Variants in NALF1 observed in about 807,000 individuals in gnomAD.
NALF1 encodes NALCN channel auxiliary factor 1.
Under a neutral mutation model 48.4 loss-of-function variants are expected in NALF1, and 3 were observed. That is an observed-to-expected ratio of 0.06 (90% CI 0.03 to 0.16). NALF1 has a LOEUF of 0.16. Ranked by LOEUF, NALF1 falls within the 10% of genes least tolerant of loss-of-function variation. The pLI, the probability that NALF1 is intolerant of heterozygous loss-of-function variation, is 1.00. For missense variants in NALF1, 526 were observed against 571.5 expected, an observed-to-expected ratio of 0.92 and a Z score of 0.81; for synonymous variants, 262 against 245.7, an observed-to-expected ratio of 1.07 and a Z score of -0.62.
At chr13:107,425,061 C>T (rs1374706429) in intron 1 of NALF1, among the ~76,000 whole-genome samples, 2 of 152,192 alleles carry the variant, frequency 1.3e-5, no homozygotes, top group African/African-American at 4.8e-5. Flanking sequence ...TCTTCTCTAG[C>T]AAATGAAAGT....
At chr13:107,418,947 G>A (rs539677382) in intron 1 of NALF1, among the ~76,000 whole-genome samples, 23 of 152,166 alleles carry the variant, frequency 1.5e-4, no homozygotes, top group Middle Eastern at 3.4e-3. Flanking sequence ...TACCTGAGAC[G>A]GAGAAGAAAA....
intron 1 of NALF1, among the ~76,000 whole-genome samples, chr13:107,809,820 G>A (rs559895462): frequency 6.6e-6 from 1 of 152,050 alleles, no homozygotes. Context: ...ACGTCCACCA[G>A]ATTTCTCAAT....
At chr13:107,459,479 A>G (rs1390536674) in intron 1 of NALF1, among the ~76,000 whole-genome samples, 2 of 152,174 alleles carry the variant, frequency 1.3e-5, no homozygotes, top group Non-Finnish European at 1.5e-5. Context: ...CCAAAGACTG[A>G]TAAGTCTTAC....
At chr13:107,439,591 T>C (rs983646999) in intron 1 of NALF1, among the ~76,000 whole-genome samples, 1 of 152,228 alleles carries the variant, frequency 6.6e-6, no homozygotes, top group Non-Finnish European at 1.5e-5. Context: ...TGCAATATTG[T>C]CCCATCCCCT....
intron 1 of NALF1, among the ~76,000 whole-genome samples, chr13:107,814,877 ATTC>A (rs1306512603): frequency 6.6e-6 from 1 of 152,118 alleles, no homozygotes; most frequent in African/African-American, 2.4e-5. Flanking sequence ...CAGAATGAAA[ATTC>A]TTCTCAAGTG....
intron 1 of NALF1, among the ~76,000 whole-genome samples, chr13:107,862,875 T>C (rs1196551168): frequency 4.0e-5 from 6 of 151,774 alleles, no homozygotes; most frequent in Non-Finnish European, 8.8e-5. Flanking sequence ...TAATAATTCA[T>C]CCTAACTCTA....
intron 1 of NALF1, among the ~76,000 whole-genome samples, chr13:107,655,731 G>A (rs1880558557): frequency 6.6e-6 from 1 of 151,854 alleles, no homozygotes; most frequent in Non-Finnish European, 1.5e-5. Context: ...AAAAATTGTG[G>A]AGGCATCACA....
At chr13:107,369,373 G>C (rs1012855659) in intron 1 of NALF1, among the ~76,000 whole-genome samples, 1 of 152,096 alleles carries the variant, frequency 6.6e-6, no homozygotes, top group Non-Finnish European at 1.5e-5. Context: ...AATTGCCTAT[G>C]TCAAGTGGTA....
rs74114092 is a variant in NALF1, at chr13:107,278,198, G to C, written c.916-67443C>G. The stretch of plus-strand genomic sequence containing the variant: ...AGAAGGTAGAGTCTATCATTGGCTG[G>C]ATTGTTTTATAGCTTTTCTAGCCCC... On this transcript the variant is annotated intron_variant, in intron 1 of 2. Transcript: ENST00000375915. Among the ~76,000 whole-genome samples the C allele has an allele frequency of 2.6e-3, 398 of 152,282 alleles. 3 individuals are homozygous for C. The highest frequency in any genetic ancestry group is 9.1e-3 in the African/African-American group (377 of 41,560).
rs9520455 is a variant in NALF1 at position 107,460,409 on chromosome 13, T to C, written c.916-249654A>G. 9.6e-3 allele frequency among the ~76,000 whole-genome samples: 1,461 copies of C among 152,346 alleles called. 7 individuals carry two copies. The highest frequency in any genetic ancestry group is 0.017 in the Non-Finnish European group (1,183 of 68,024). On this transcript the variant is annotated intron_variant, in intron 1 of 2. Coordinates refer to ENST00000375915, the MANE Select transcript of NALF1 (RefSeq NM_001080396.3). ...GACTTGGCACCTTCCTCCAATATTATGAGCTAACAATTGACATTCCAGGTA... is the reference window on the plus strand; with the variant it reads ...GACTTGGCACCTTCCTCCAATATTACGAGCTAACAATTGACATTCCAGGTA...
intron 1 of NALF1, among the ~76,000 whole-genome samples, chr13:107,232,841 T>G (rs1371609374): frequency 6.6e-6 from 1 of 152,232 alleles, no homozygotes; most frequent in East Asian, 1.9e-4. Flanking sequence ...TTCCAGAAGC[T>G]TCATATGTTG....
rs558525359 is a variant in NALF1 at position 107,787,489 on chromosome 13, T to C, written c.915+78193A>G. ...TTATGATTCACAGTTTATGGGTCTATAGTTTTACAATCAATGACACCAAAC... is the reference window on the plus strand; with the variant it reads ...TTATGATTCACAGTTTATGGGTCTACAGTTTTACAATCAATGACACCAAAC... On this transcript the variant is annotated intron_variant, in intron 1 of 2. Transcript: ENST00000375915. 2.6e-5 allele frequency among the ~76,000 whole-genome samples: 4 copies of C among 152,374 alleles called. No homozygotes were observed. In the East Asian group the frequency reaches 5.8e-4, roughly 22 times the overall value.
At chr13:107,593,051 C>G (rs1374052145) in intron 1 of NALF1, among the ~76,000 whole-genome samples, 1 of 151,798 alleles carries the variant, frequency 6.6e-6, no homozygotes, top group Non-Finnish European at 1.5e-5. Flanking sequence ...AATATATTTA[C>G]TCTAACTGCA....
chr13:107,762,724 A>C (rs1353876445), intron 1 of NALF1, among the ~76,000 whole-genome samples: 2 of 152,174 alleles, frequency 1.3e-5, no homozygotes, highest in Non-Finnish European at 2.9e-5. Context: ...CAGTTTTGCA[A>C]GATGAAAAAG....
chr13:107,738,953 C>T (rs1456384037), intron 1 of NALF1, among the ~76,000 whole-genome samples: 1 of 152,120 alleles, frequency 6.6e-6, no homozygotes, highest in Non-Finnish European at 1.5e-5. Flanking sequence ...TGAGCCACCT[C>T]GCCCAGCTGA....
At chr13:107,315,607 C>G (rs973557172) in intron 1 of NALF1, among the ~76,000 whole-genome samples, 2 of 151,622 alleles carry the variant, frequency 1.3e-5, no homozygotes, top group Admixed American at 6.6e-5. Flanking sequence ...TTTTGATTTT[C>G]TTTTGAGTAA....
At chr13:107,802,457 A>T (rs905024771) in intron 1 of NALF1, among the ~76,000 whole-genome samples, 4 of 152,168 alleles carry the variant, frequency 2.6e-5, no homozygotes, top group Non-Finnish European at 5.9e-5. Flanking sequence ...CCTTCTAAAC[A>T]TTGTGCATGT....
In NALF1 at chr13:107,170,665, C is replaced by T. The variant is rs778245418; in HGVS notation, c.1209G>A (p.Ser403=). The change falls in exon 3 of 3, where the codon TCG becomes TCA. Residue 403 remains serine, a synonymous_variant. Coordinates refer to ENST00000375915, the MANE Select transcript of NALF1 (RefSeq NM_001080396.3). ...VEKSGSCHRT[S]LTVSSATRLC... ...GTCTTGTTGCTGATGACACTGTGAG[C>T]GATGTCCTGTGACAGGAGCCACTTT... The T allele has an allele frequency of 3.1e-6, 5 of 1,614,168 alleles. No homozygotes were observed. In the South Asian group the frequency reaches 3.3e-5, roughly 11 times the overall value.
intron 1 of NALF1, among the ~76,000 whole-genome samples, chr13:107,368,787 G>A (rs903031403): frequency 3.3e-5 from 5 of 152,130 alleles, no homozygotes; most frequent in African/African-American, 1.2e-4. Context: ...AATAGGCAAC[G>A]CTAACAGGTT....
Sources: allele counts gnomAD v4.1 joint callset (sites outside exome capture counted in the v4.1 genomes callset), GRCh38; gene constraint gnomAD v4.1.1; transcripts MANE v1.5; gene names NCBI Gene and HGNC (gene_info 2026-07-23, HGNC 2026-07-21).